Variants in ABCC1 observed in about 807,000 individuals in gnomAD.
ABCC1 encodes ATP binding cassette subfamily C member 1 (ABCC1 blood group).
Under a neutral mutation model 172.9 loss-of-function variants are expected in ABCC1, and 83 were observed. The ratio of observed to expected loss-of-function variants is 0.48; its 90% CI spans 0.40 to 0.58. The LOEUF (loss-of-function observed/expected upper bound fraction) is 0.58. Among genes scored for constraint, ABCC1 ranks in the 20% least tolerant of loss-of-function variants. The probability of loss-of-function intolerance (pLI) is 0.00; values close to 1 mark genes in which losing one functional copy is unlikely to be tolerated. For synonymous variants in ABCC1, 937 were observed against 825.2 expected (o/e 1.14, Z -2.32); for missense variants, 1,817 against 2,002.7 (o/e 0.91, Z 1.77).
chr16:15,950,410 C>A (rs1036382818), intron 1 of ABCC1, among the ~76,000 whole-genome samples: 1 of 152,050 alleles, frequency 6.6e-6, no homozygotes, highest in African/African-American at 2.4e-5. Flanking sequence ...GGATGTCCAC[C>A]CTTGATGTGC....
At chr16:16,010,136 T>C (rs1371999039) in intron 3 of ABCC1, among the ~76,000 whole-genome samples, 1 of 136,586 alleles carries the variant, frequency 7.3e-6, no homozygotes, top group African/African-American at 2.7e-5. Context: ...CTCAAACTTC[T>C]GGCCTCAAGC....
chr16:16,128,246 C>T (rs2045525214), intron 26 of ABCC1, among the ~76,000 whole-genome samples: 1 of 151,982 alleles, frequency 6.6e-6, no homozygotes, highest in African/African-American at 2.4e-5. Context: ...GGCATGATCT[C>T]AGCTCACTGC....
chr16:16,085,691 G>A (rs371555722), intron 17 of ABCC1, among the ~76,000 whole-genome samples: 3 of 152,188 alleles, frequency 2.0e-5, no homozygotes, highest in East Asian at 3.9e-4. Flanking sequence ...GAGGTGAGAG[G>A]ATTGCTTGAA....
At chr16:16,002,745 C>T (rs2047359996) in intron 1 of ABCC1, among the ~76,000 whole-genome samples, 1 of 142,772 alleles carries the variant, frequency 7.0e-6, no homozygotes, top group South Asian at 2.2e-4. Context: ...GCATTCCAGC[C>T]TGGGCAACAG....
chr16:16,050,783 G>A (rs931425048), intron 10 of ABCC1, among the ~76,000 whole-genome samples: 4 of 150,604 alleles, frequency 2.7e-5, no homozygotes, highest in Non-Finnish European at 4.4e-5. Flanking sequence ...CCTACCTGTG[G>A]TCCCAGCTAC....
intron 1 of ABCC1, among the ~76,000 whole-genome samples, chr16:15,973,857 T>C (rs1297192563): frequency 6.6e-6 from 1 of 151,014 alleles, no homozygotes; most frequent in African/African-American, 2.4e-5. Context: ...TGATGGTGCA[T>C]GGCCATGGTC....
chr16:15,981,159 A>G (rs2046611280), intron 1 of ABCC1, among the ~76,000 whole-genome samples: 1 of 152,226 alleles, frequency 6.6e-6, no homozygotes, highest in South Asian at 2.1e-4. Context: ...AGCCCCCATC[A>G]AGGGGCTTTC....
intron 29 of ABCC1, 83 bp from the exon 30 acceptor site, chr16:16,138,281 C>T (rs45623833): frequency 0.012 from 16,480 of 1,363,634 alleles, 157 homozygotes; most frequent in South Asian, 0.04. Flanking sequence ...TGTCTCCTTT[C>T]GCTTCTCCCA....
intron 23 of ABCC1, among the ~76,000 whole-genome samples, chr16:16,117,965 C>G (rs764906836): frequency 3.3e-5 from 5 of 152,168 alleles, no homozygotes; most frequent in African/African-American, 4.8e-5. Context: ...TCAGTCGTCT[C>G]TGCTGCATCC....
At chr16:16,022,791 C>G (rs558240960) in intron 5 of ABCC1, among the ~76,000 whole-genome samples, 6 of 152,132 alleles carry the variant, frequency 3.9e-5, no homozygotes, top group Non-Finnish European at 7.4e-5. Flanking sequence ...CGAAAGAATT[C>G]TACTGTGAGC....
Position 16,052,781 on chromosome 16 carries a change from A to G in ABCC1, c.1438A>G (p.Asn480Asp). The G allele has an allele frequency of 6.2e-7, 1 of 1,613,994 alleles. No homozygotes were observed. The highest frequency in any genetic ancestry group is 8.5e-7 in the Non-Finnish European group (1 of 1,179,998). Residue 480 changes from asparagine (N) to aspartate (D), a missense_variant, in exon 11 of 31, where the codon AAT (asparagine) becomes GAT (aspartate). Physicochemically the swap from Asn to Asp is conservative, Grantham distance 23. Transcript: ENST00000399410. ...GGTGATGGTCCTCATGGTGCCCGTC[A>G]ATGCTGTGATGGCGATGAAGACCAA... Reference protein sequence around the residue: ...VAVMVLMVPVNAVMAMKTKTY... With the variant: ...VAVMVLMVPVDAVMAMKTKTY...
rs763529384 is a variant in ABCC1, at chr16:16,134,431, G to C, written c.4048G>C (p.Glu1350Gln). The C allele has an allele frequency of 6.2e-7, 1 of 1,614,146 alleles. No homozygotes were observed. Among genetic ancestry groups the C allele is most frequent in the East Asian group, 2.2e-5 (1 of 44,864 alleles). ...TCGGATCAACGAGTCTGCCGAAGGA[G>C]AGATCATCATCGATGGCATCAACAT... ...LFRINESAEG[E>Q]IIIDGINIAK... The change falls in exon 28 of 31, where the codon GAG (glutamate) becomes CAG (glutamine). Residue 1350 changes from glutamate to glutamine, a missense_variant. By Grantham distance (29) the Glu-to-Gln change is conservative. Transcript: ENST00000399410.
At chr16:15,997,235 C>A (rs1405319964) in intron 1 of ABCC1, among the ~76,000 whole-genome samples, 3 of 151,994 alleles carry the variant, frequency 2.0e-5, no homozygotes, top group Non-Finnish European at 4.4e-5. Context: ...GGGACTCAGG[C>A]CTGTGCCACC....
chr16:16,028,747 G>T (rs2048461257), intron 5 of ABCC1, among the ~76,000 whole-genome samples: 2 of 152,184 alleles, frequency 1.3e-5, no homozygotes, highest in African/African-American at 2.4e-5. Flanking sequence ...CCGGGGGATA[G>T]GTCGAGCAAG....
At chr16:15,975,013 C>T (rs2046451444) in intron 1 of ABCC1, among the ~76,000 whole-genome samples, 2 of 152,088 alleles carry the variant, frequency 1.3e-5, no homozygotes, top group African/African-American at 2.4e-5. Flanking sequence ...TCTTGAATGC[C>T]TGACCTCAAG....
chr16:15,978,436 A>G (rs187050425), intron 1 of ABCC1, among the ~76,000 whole-genome samples: 21 of 152,268 alleles, frequency 1.4e-4, no homozygotes, highest in African/African-American at 5.1e-4. Context: ...TGAATGAGGA[A>G]AGTGAGTTTT....
intron 1 of ABCC1, among the ~76,000 whole-genome samples, chr16:15,966,000 AG>A (rs1203126166): frequency 6.6e-6 from 1 of 152,136 alleles, no homozygotes; most frequent in Non-Finnish European, 1.5e-5. Flanking sequence ...ACATCTGAAA[AG>A]GCTTCACTCT....
At chr16:16,016,421 T>C in intron 4 of ABCC1, 75 bp from the exon 5 acceptor site, 1 of 1,581,190 alleles carries the variant, frequency 6.3e-7, no homozygotes, top group Non-Finnish European at 8.6e-7. Flanking sequence ...CCAAAAGTGC[T>C]AGGATTACAG....
intron 26 of ABCC1, among the ~76,000 whole-genome samples, chr16:16,126,269 C>T (rs212079): frequency 0.056 from 8,542 of 152,228 alleles, 338 homozygotes; most frequent in Admixed American, 0.13. Flanking sequence ...TCTTTAACAC[C>T]TTAGCAATTG....
Sources: allele counts gnomAD v4.1 joint callset (sites outside exome capture counted in the v4.1 genomes callset), GRCh38; gene constraint gnomAD v4.1.1; transcripts MANE v1.5; gene names NCBI Gene and HGNC (gene_info 2026-07-23, HGNC 2026-07-21).